Variants in EEA1 observed in about 807,000 individuals in gnomAD.
EEA1 encodes early endosome antigen 1.
EEA1 carries 111 observed loss-of-function variants against 209.2 expected under a neutral mutation model. The observed-to-expected ratio is 0.53, with a 90% CI of 0.45 to 0.62. The LOEUF is 0.62. Among genes scored for constraint, EEA1 ranks in the 20% least tolerant of loss-of-function variants. The probability of loss-of-function intolerance (pLI) is 0.00; values close to 1 mark genes in which losing one functional copy is unlikely to be tolerated. For synonymous variants in EEA1, 536 were observed against 540.6 expected, an observed-to-expected ratio of 0.99 and a Z score of 0.12; for missense variants, 1,343 against 1,530.8, an observed-to-expected ratio of 0.88 and a Z score of 2.05.
intron 10 of EEA1, chr12:92,835,280 T>G: frequency 4.6e-6 from 1 of 219,390 alleles, no homozygotes; most frequent in Non-Finnish European, 9.5e-6. Context: ...ACATACCTTT[T>G]AAAATATGCT....
chr12:92,833,007 T>C (rs1024477702), intron 10 of EEA1, among the ~76,000 whole-genome samples, 157 bp from the exon 11 acceptor site: 1 of 152,180 alleles, frequency 6.6e-6, no homozygotes, highest in Non-Finnish European at 1.5e-5. Context: ...ATTAAATCAT[T>C]ACATACTAAC....
At chr12:92,896,121 G>A (rs1001951314) in intron 1 of EEA1, among the ~76,000 whole-genome samples, 5 of 151,928 alleles carry the variant, frequency 3.3e-5, no homozygotes, top group Middle Eastern at 3.4e-3. Flanking sequence ...CTACAGGTAC[G>A]TGCCACCACG....
Position 92,777,596 on chromosome 12 carries a change from C to A in EEA1, c.3961G>T (p.Asp1321Tyr). The A allele has an allele frequency of 6.2e-7, 1 of 1,612,388 alleles. No homozygotes were observed. Among genetic ancestry groups the A allele is most frequent in the Non-Finnish European group, 8.5e-7 (1 of 1,178,886 alleles). Reference protein sequence around the residue: ...TKVLELQRKLDNTTAAVQELG... With the variant: ...TKVLELQRKLYNTTAAVQELG... Reference sequence around the variant, plus strand: ...TCCTGCACTGCTGCAGTTGTATTATCCAGCTTTCTTTGCAATTCTAATACT... The same window carrying A: ...TCCTGCACTGCTGCAGTTGTATTATACAGCTTTCTTTGCAATTCTAATACT... Residue 1321 changes from aspartate (D) to tyrosine (Y), a missense_variant, in exon 27 of 29, where the codon GAT becomes TAT. Around this residue, in one of 3 missense-constraint regions of EEA1, gnomAD observed 1,307 missense variants for 1,465.5 expected, o/e 0.89. Coordinates refer to ENST00000322349, the MANE Select transcript of EEA1 (RefSeq NM_003566.4).
At position 92,914,295 on chromosome 12, in the gene EEA1, A is replaced by G. The variant is rs1225349470; in HGVS notation, c.24+14748T>C. On this transcript the variant is annotated intron_variant, in intron 1 of 28. Transcript: ENST00000322349. ...TCAACTTCATCGAATATCAATTAGT[A>G]TAAGTATGTGGCTTTATTTCTGGGT... 2.0e-5 allele frequency among the ~76,000 whole-genome samples: 3 copies of G among 152,174 alleles called. No individual in the cohort carries two copies. In the East Asian group the frequency reaches 5.8e-4, roughly 29 times the overall value.
At position 92,819,514 on chromosome 12, in the gene EEA1, G is replaced by T. The variant is rs368294028; in HGVS notation, c.1525-3C>A. ...CGTAGAACTTGTTCCAAATCATTCT[G>T]TAAAGAATTGAAAACTACTACTTTA... On this transcript the variant is annotated splice_polypyrimidine_tract_variant and splice_region_variant and intron_variant, in intron 13 of 28. Coordinates refer to ENST00000322349, the MANE Select transcript of EEA1 (RefSeq NM_003566.4). The T allele has an allele frequency of 3.8e-6, 6 of 1,571,358 alleles. No homozygotes were observed. The African/African-American group carries it at 8.2e-5, about 21-fold the overall frequency.
At chr12:92,907,246 T>A (rs1301100052) in intron 1 of EEA1, among the ~76,000 whole-genome samples, 1 of 152,210 alleles carries the variant, frequency 6.6e-6, no homozygotes, top group Non-Finnish European at 1.5e-5. Context: ...AAACACTAAC[T>A]TTAATCCAGA....
chr12:92,859,120 C>A, intron 3 of EEA1: 1 of 1,111,398 alleles, frequency 9.0e-7, no homozygotes, highest in Non-Finnish European at 1.4e-6. Flanking sequence ...TGAGAGGGAG[C>A]TACTAGAGAT....
intron 1 of EEA1, among the ~76,000 whole-genome samples, chr12:92,915,252 A>T (rs1361777091): frequency 6.6e-6 from 1 of 152,140 alleles, no homozygotes; most frequent in Non-Finnish European, 1.5e-5. Context: ...GCATCACTTG[A>T]GCCAAGGAGT....
chr12:92,889,621 G>A (rs573854452), intron 2 of EEA1, among the ~76,000 whole-genome samples: 48 of 151,890 alleles, frequency 3.2e-4, no homozygotes, highest in African/African-American at 1.1e-3. Context: ...GATAAAGTCC[G>A]GGAGCAGTGA....
chr12:92,848,095 T>C (rs1877457111), intron 9 of EEA1, among the ~76,000 whole-genome samples: 1 of 151,970 alleles, frequency 6.6e-6, no homozygotes, highest in South Asian at 2.1e-4. Context: ...CCTATTCAGT[T>C]ACTCAGCACA....
chr12:92,813,179 AAACT>A, intron 15 of EEA1, 86 bp from the exon 16 acceptor site: 5 of 762,640 alleles, frequency 6.6e-6, no homozygotes, highest in Non-Finnish European at 7.8e-6. Flanking sequence ...GTGACTAAAC[AAACT>A]ATTTAAAAAT....
intron 21 of EEA1, among the ~76,000 whole-genome samples, chr12:92,797,397 T>G (rs1874702818): frequency 6.6e-6 from 1 of 152,170 alleles, no homozygotes; most frequent in Non-Finnish European, 1.5e-5. Context: ...CAATTTTGTA[T>G]TATTTTTTAA....
Position 92,883,699 on chromosome 12 carries a change from T to G in EEA1, c.117+7930A>C, listed in dbSNP as rs12320237. ...TATCGTAAGAATACAGTGAGACACG[T>G]TCATCAGCTTGTTCTTTTCTGCCCG... On this transcript the variant is annotated intron_variant, in intron 2 of 28. Coordinates refer to ENST00000322349, the MANE Select transcript of EEA1 (RefSeq NM_003566.4). 7.9e-4 allele frequency: 620 copies of G among 784,782 alleles called. 3 individuals are homozygous for G. In the African/African-American group the frequency reaches 0.01, roughly 13 times the overall value. The allele number at this position is 784,782 out of a possible 1,614,324, so 48.6% of individuals were successfully genotyped here.
At chr12:92,859,686 C>A (rs1878044409) in intron 3 of EEA1, among the ~76,000 whole-genome samples, 1 of 152,168 alleles carries the variant, frequency 6.6e-6, no homozygotes, top group African/African-American at 2.4e-5. Flanking sequence ...ACATTTGTGC[C>A]CTACCCAACG....
intron 12 of EEA1, 69 bp from the exon 13 acceptor site, chr12:92,826,354 T>C: frequency 1.4e-6 from 2 of 1,409,370 alleles, no homozygotes; most frequent in East Asian, 2.4e-5. Flanking sequence ...GTATCTGGCA[T>C]TACTTCAATT....
At chr12:92,854,605 C>T (rs1247225447) in intron 5 of EEA1, among the ~76,000 whole-genome samples, 1 of 152,200 alleles carries the variant, frequency 6.6e-6, no homozygotes, top group African/African-American at 2.4e-5. Flanking sequence ...TAGGCCATGG[C>T]AGGCTGCACT....
intron 10 of EEA1, among the ~76,000 whole-genome samples, chr12:92,838,951 G>A (rs1225553432): frequency 3.3e-5 from 5 of 151,764 alleles, no homozygotes; most frequent in African/African-American, 1.2e-4. Flanking sequence ...TAGAAAGACC[G>A]ACAGACTATT....
At position 92,801,341 on chromosome 12, in the gene EEA1, T is replaced by C. The variant is rs567877773; in HGVS notation, c.2772+259A>G. Among the ~76,000 whole-genome samples the C allele has an allele frequency of 1.5e-3, 231 of 152,152 alleles. 1 individual carries two copies. Among genetic ancestry groups the C allele is most frequent in the African/African-American group, 5.4e-3 (226 of 41,540 alleles). On this transcript the variant is annotated intron_variant, in intron 20 of 28. Transcript: ENST00000322349. ...AATATTTCTTTATTTGGGTCTTTGA[T>C]TATAAACTAGCTTAAGTCTTTTTAA...
chr12:92,905,323 G>T (rs1166913236), intron 1 of EEA1, among the ~76,000 whole-genome samples: 8 of 152,046 alleles, frequency 5.3e-5, no homozygotes, highest in African/African-American at 1.9e-4. Flanking sequence ...ATGTTGGCTG[G>T]GTGTGGTAGC....
Sources: gnomAD v4.1 joint callset for allele counts (sites outside exome capture counted in the v4.1 genomes callset) on GRCh38, gnomAD v4.1.1 for gene constraint, gnomAD v4.1.1 regional missense constraint, MANE v1.5 for transcripts, NCBI Gene and HGNC (gene_info 2026-07-23, HGNC 2026-07-21) for gene names.